Variants in ZFYVE9 observed in about 807,000 individuals in gnomAD.
ZFYVE9 encodes zinc finger FYVE domain-containing protein 9.
ZFYVE9 carries 43 observed loss-of-function variants against 126.7 expected under a neutral mutation model. The ratio of observed to expected loss-of-function variants is 0.34; its 90% CI spans 0.27 to 0.44. The LOEUF (loss-of-function observed/expected upper bound fraction) is 0.44, where lower values mean the gene tolerates loss of function less well. Ranked by LOEUF, ZFYVE9 falls within the 20% of genes least tolerant of loss-of-function variation. The pLI is 1.00. For synonymous variants in ZFYVE9, 521 were observed against 597.4 expected (o/e 0.87, Z 1.87); for missense variants, 1,476 against 1,697.0 (o/e 0.87, Z 2.29).
At chr1:52,308,172 T>C (rs932354778) in intron 13 of ZFYVE9, among the ~76,000 whole-genome samples, 4 of 152,178 alleles carry the variant, frequency 2.6e-5, no homozygotes, top group Non-Finnish European at 4.4e-5. Flanking sequence ...GAAAAAGTAA[T>C]TTCTTTTTTC....
At chr1:52,171,054 G>C (rs1341831205) in intron 1 of ZFYVE9, among the ~76,000 whole-genome samples, 1 of 151,652 alleles carries the variant, frequency 6.6e-6, no homozygotes, top group Non-Finnish European at 1.5e-5. Context: ...ACAATGTGCA[G>C]GTTAGTTACA....
At chr1:52,158,805 AT>A (rs112587594) in intron 1 of ZFYVE9, among the ~76,000 whole-genome samples, 16,317 of 140,300 alleles carry the variant, frequency 0.12, 1,284 homozygotes, top group African/African-American at 0.24. Flanking sequence ...TTGTTCTTGT[AT>A]TTTTTTTTTT....
At chr1:52,156,166 CT>C (rs1300941461) in intron 1 of ZFYVE9, among the ~76,000 whole-genome samples, 1 of 152,184 alleles carries the variant, frequency 6.6e-6, no homozygotes, top group African/African-American at 2.4e-5. Flanking sequence ...TGAAAGTGAA[CT>C]GCTTCTGATC....
At chr1:52,339,326 A>C (rs942188422) in intron 16 of ZFYVE9, among the ~76,000 whole-genome samples, 10 of 151,528 alleles carry the variant, frequency 6.6e-5, no homozygotes, top group African/African-American at 2.4e-4. Context: ...CTTGCTCTGT[A>C]ACCCAGGCTG....
intron 1 of ZFYVE9, among the ~76,000 whole-genome samples, chr1:52,179,133 G>A (rs1444488422): frequency 6.6e-6 from 1 of 152,178 alleles, no homozygotes; most frequent in Non-Finnish European, 1.5e-5. Context: ...TGAATTGTTA[G>A]GATTGATTGG....
chr1:52,225,679 G>A lies in ZFYVE9; in HGVS notation c.-36-7492G>A, dbSNP rs1214960202. Among the ~76,000 whole-genome samples, 42 of 152,166 alleles carry A rather than the reference G, an allele frequency of 2.8e-4. 1 individual carries two copies. Among genetic ancestry groups the A allele is most frequent in the Non-Finnish European group, 4.4e-5 (3 of 68,012 alleles). On this transcript the variant is annotated intron_variant, in intron 2 of 18. Coordinates refer to ENST00000287727, the MANE Select transcript of ZFYVE9 (RefSeq NM_004799.4). ...GAAACAGTTAGGCTTAACAGAAGAA[G>A]GGGTAGGATTGTTTACAACTTATGA...
At chr1:52,176,551 A>C (rs1644631699) in intron 1 of ZFYVE9, among the ~76,000 whole-genome samples, 1 of 152,136 alleles carries the variant, frequency 6.6e-6, no homozygotes, top group Non-Finnish European at 1.5e-5. Flanking sequence ...AAGTCTGCAG[A>C]GGTTACTGCT....
chr1:52,182,155 G>C (rs1320309421), intron 1 of ZFYVE9, among the ~76,000 whole-genome samples: 1 of 151,220 alleles, frequency 6.6e-6, no homozygotes, highest in African/African-American at 2.4e-5. Context: ...CCGGCCAGCT[G>C]CCCCATCGGG....
At chr1:52,317,296 G>A (rs1372872932) in intron 13 of ZFYVE9, among the ~76,000 whole-genome samples, 1 of 151,976 alleles carries the variant, frequency 6.6e-6, no homozygotes, top group African/African-American at 2.4e-5. Flanking sequence ...AGGTTGGGGG[G>A]ATCACTTGAG....
intron 8 of ZFYVE9, among the ~76,000 whole-genome samples, chr1:52,277,748 C>G (rs184767920): frequency 1.3e-5 from 2 of 152,074 alleles, no homozygotes; most frequent in Non-Finnish European, 2.9e-5. Flanking sequence ...GTGATTATTA[C>G]GCATGATTTG....
At chr1:52,244,713 G>A (rs1438016226) in intron 4 of ZFYVE9, among the ~76,000 whole-genome samples, 3 of 152,144 alleles carry the variant, frequency 2.0e-5, no homozygotes, top group Non-Finnish European at 4.4e-5. Flanking sequence ...GTTAGAATCA[G>A]TATTTATCCT....
intron 1 of ZFYVE9, among the ~76,000 whole-genome samples, chr1:52,211,337 C>T (rs1006359788): frequency 3.3e-5 from 5 of 152,242 alleles, no homozygotes; most frequent in Admixed American, 1.3e-4. Context: ...ACAGGTGCTA[C>T]GTCACAATCA....
intron 1 of ZFYVE9, among the ~76,000 whole-genome samples, chr1:52,154,489 G>A (rs1437048154): frequency 1.3e-5 from 2 of 152,186 alleles, no homozygotes; most frequent in African/African-American, 4.8e-5. Flanking sequence ...ACCGATGTCA[G>A]CTAGTTGAGT....
Position 52,159,427 on chromosome 1 carries a change from A to AAGGGAGAGGAGGCACAATTGTC in ZFYVE9, c.-143+17033_-143+17054dup, listed in dbSNP as rs1243359224. ...GTAGGAGAGGACTTCCGTGAAAGGA[A>AAGGGAGAGGAGGCACAATTGTC]AGGGAGAGGAGGCACAATTGTCAGG... On this transcript the variant is annotated intron_variant, in intron 1 of 18. Transcript: ENST00000287727. 2.0e-5 allele frequency among the ~76,000 whole-genome samples: 3 copies of AAGGGAGAGGAGGCACAATTGTC among 152,212 alleles called. No individual in the cohort carries two copies. The East Asian group carries it at 5.8e-4, about 29-fold the overall frequency.
chr1:52,218,113 A>T (rs1645088641), intron 2 of ZFYVE9, among the ~76,000 whole-genome samples: 1 of 152,082 alleles, frequency 6.6e-6, no homozygotes, highest in Non-Finnish European at 1.5e-5. Flanking sequence ...GTCTATGTAA[A>T]CTTGAGGGTC....
intron 13 of ZFYVE9, among the ~76,000 whole-genome samples, chr1:52,310,475 G>T (rs946463288): frequency 7.9e-5 from 12 of 152,026 alleles, no homozygotes; most frequent in Non-Finnish European, 1.3e-4. Context: ...AGGCTGAGGT[G>T]GGAGGATCAC....
chr1:52,308,024 T>A (rs1646102016), intron 13 of ZFYVE9, among the ~76,000 whole-genome samples: 1 of 152,226 alleles, frequency 6.6e-6, no homozygotes, highest in Admixed American at 6.5e-5. Flanking sequence ...AGTGCTGGGA[T>A]TACAGGCGTG....
At chr1:52,321,654 C>G (rs1302126678) in intron 13 of ZFYVE9, among the ~76,000 whole-genome samples, 2 of 152,120 alleles carry the variant, frequency 1.3e-5, no homozygotes, top group East Asian at 3.9e-4. Context: ...CACTGGACTT[C>G]TAGTCAAACT....
intron 13 of ZFYVE9, among the ~76,000 whole-genome samples, chr1:52,307,011 C>G (rs531997137): frequency 7.2e-4 from 109 of 152,348 alleles, no homozygotes; most frequent in African/African-American, 2.4e-3. Flanking sequence ...ACAAGCCCAG[C>G]AGGCCTGAGC....
Sources: allele counts gnomAD v4.1 joint callset (sites outside exome capture counted in the v4.1 genomes callset), GRCh38; gene constraint gnomAD v4.1.1; transcripts MANE v1.5; gene names NCBI Gene and HGNC (gene_info 2026-07-23, HGNC 2026-07-21).